CTBP2: variants seen among roughly 807,000 people sequenced by gnomAD.
The protein encoded by CTBP2 is C-terminal-binding protein 2.
A neutral mutation model predicts 80.3 loss-of-function variants in CTBP2; 30 were observed. The ratio of observed to expected loss-of-function variants is 0.37; its 90% CI spans 0.28 to 0.51. The LOEUF is 0.51. Among genes scored for constraint, CTBP2 ranks in the 20% least tolerant of loss-of-function variants. CTBP2 has a pLI of 0.93. For missense variants in CTBP2, 1,212 were observed against 1,375.3 expected (o/e 0.88, Z 1.88); for synonymous variants, 594 against 587.4 (o/e 1.01, Z -0.16).
chr10:125,094,166 T>C (rs1335292161), intron 2 of CTBP2, among the ~76,000 whole-genome samples: 1 of 152,224 alleles, frequency 6.6e-6, no homozygotes, highest in Non-Finnish European at 1.5e-5. Flanking sequence ...AAGTTACGCC[T>C]GGTGCTGATA....
intron 1 of CTBP2, among the ~76,000 whole-genome samples, chr10:125,151,155 G>A (rs1036095613): frequency 1.3e-5 from 2 of 152,156 alleles, no homozygotes; most frequent in Non-Finnish European, 1.5e-5. Flanking sequence ...GGCTGCATAA[G>A]TTTCTGGAGC....
In CTBP2 at chr10:125,027,992, G is replaced by A. The variant is rs1957828483; in HGVS notation, c.-233C>T. Reference sequence around the variant, plus strand: ...GCCTCACTCCCCAACGATAGCCAGAGAGGTCTGTTCCTTACAGCTCAGTCC... The same window carrying A: ...GCCTCACTCCCCAACGATAGCCAGAAAGGTCTGTTCCTTACAGCTCAGTCC... On this transcript the variant is annotated 5_prime_UTR_variant, in exon 1 of 9. Transcript: ENST00000309035. 1 of 1,260,838 alleles carries A rather than the reference G, an allele frequency of 7.9e-7. No individual in the cohort carries two copies. 78.1% of individuals were successfully genotyped at this position (1,260,838 alleles called of 1,614,324 possible).
At chr10:124,997,627 C>G in intron 4 of CTBP2, 1 of 346,128 alleles carries the variant, frequency 2.9e-6, no homozygotes, top group East Asian at 5.7e-5. Flanking sequence ...CTTTACGACA[C>G]ACCTCCATAC....
Position 125,026,200 on chromosome 10 carries a change from C to T in CTBP2, c.1560G>A (p.Gly520=). 6.2e-7 allele frequency: 1 copy of T among 1,613,336 alleles called. No homozygotes were observed. The highest frequency in any genetic ancestry group is 8.5e-7 in the Non-Finnish European group (1 of 1,179,746). The change falls in exon 1 of 9, where the codon GGG becomes GGA. Residue 520 remains glycine, a synonymous_variant. Transcript: ENST00000309035. ...GGCTGGCCGGCGGCAGGGTGGATGGCCCCAGGGGTGCACCTGGCTTCCGCA... is the reference window on the plus strand; with the variant it reads ...GGCTGGCCGGCGGCAGGGTGGATGGTCCCAGGGGTGCACCTGGCTTCCGCA...
At chr10:125,026,036 G>C in intron 1 of CTBP2, 3 of 1,529,464 alleles carry the variant, frequency 2.0e-6, no homozygotes, top group Non-Finnish European at 2.6e-6. Flanking sequence ...GCACCCCCCT[G>C]CTCCCCCCAG....
chr10:125,044,824 G>C (rs906462812), intron 2 of CTBP2, among the ~76,000 whole-genome samples: 1 of 152,176 alleles, frequency 6.6e-6, no homozygotes, highest in Non-Finnish European at 1.5e-5. Context: ...AGGAGTCAGG[G>C]ATCAGTGGGT....
chr10:125,094,997 T>A (rs1253686193), intron 2 of CTBP2, among the ~76,000 whole-genome samples: 1 of 151,768 alleles, frequency 6.6e-6, no homozygotes, highest in Non-Finnish European at 1.5e-5. Flanking sequence ...AGGAAGCAAG[T>A]GTGGCAGGGC....
At chr10:125,098,750 C>CAGAGAG (rs1265217140) in intron 2 of CTBP2, among the ~76,000 whole-genome samples, 1,151 of 75,426 alleles carry the variant, frequency 0.015, 111 homozygotes, top group Admixed American at 0.028. Context: ...GAGAGAGAGA[C>CAGAGAG]AGAGAGAGAG....
At chr10:125,116,603 C>CA (rs1215518520) in intron 1 of CTBP2, among the ~76,000 whole-genome samples, 1 of 152,186 alleles carries the variant, frequency 6.6e-6, no homozygotes, top group Non-Finnish European at 1.5e-5. Flanking sequence ...AGACACAGCT[C>CA]AGATACCCCA....
chr10:125,101,469 G>A (rs995593491), intron 2 of CTBP2, among the ~76,000 whole-genome samples: 2 of 152,230 alleles, frequency 1.3e-5, no homozygotes, highest in African/African-American at 2.4e-5. Context: ...CCTTGGCTGC[G>A]GCTGGGATCA....
At chr10:124,991,895 G>C (rs964664354) in intron 8 of CTBP2, among the ~76,000 whole-genome samples, 18 of 118,930 alleles carry the variant, frequency 1.5e-4, no homozygotes, top group African/African-American at 6.0e-4. Flanking sequence ...AGCAATAATG[G>C]GGGGGGGGGT....
intron 2 of CTBP2, among the ~76,000 whole-genome samples, chr10:125,101,544 C>T (rs941058541): frequency 6.6e-6 from 1 of 152,216 alleles, no homozygotes; most frequent in African/African-American, 2.4e-5. Flanking sequence ...AAACCCCAAA[C>T]CTTTCACTGC....
intron 2 of CTBP2, among the ~76,000 whole-genome samples, chr10:125,041,499 T>TC (rs1227689438): frequency 0.014 from 411 of 30,114 alleles, 1 homozygote; most frequent in Admixed American, 0.021. Context: ...CTTTTGTCCA[T>TC]CCCCACCCCC....
intron 1 of CTBP2, among the ~76,000 whole-genome samples, chr10:125,025,615 G>A (rs1247753794): frequency 6.6e-6 from 1 of 152,168 alleles, no homozygotes; most frequent in Non-Finnish European, 1.5e-5. Context: ...GGACCCGTGA[G>A]AGGTACGTTT....
chr10:125,063,205 C>G (rs1002555278), intron 2 of CTBP2, among the ~76,000 whole-genome samples: 1 of 152,238 alleles, frequency 6.6e-6, no homozygotes, highest in Non-Finnish European at 1.5e-5. Context: ...TTCTACGAAG[C>G]AATCTGGAAA....
intron 2 of CTBP2, among the ~76,000 whole-genome samples, chr10:125,053,819 G>A (rs967813473): frequency 1.3e-5 from 2 of 152,142 alleles, no homozygotes; most frequent in African/African-American, 4.8e-5. Context: ...ACATAGTTCC[G>A]AAGGGCAGGG....
intron 3 of CTBP2, among the ~76,000 whole-genome samples, chr10:125,033,941 C>A (rs528298837): frequency 6.6e-6 from 1 of 152,090 alleles, no homozygotes; most frequent in Non-Finnish European, 1.5e-5. Flanking sequence ...AGCTGAAAAC[C>A]GCAGCTGCAG....
intron 1 of CTBP2, among the ~76,000 whole-genome samples, chr10:125,016,131 T>C (rs3781424): frequency 0.26 from 40,002 of 152,034 alleles, 5,352 homozygotes; most frequent in African/African-American, 0.29. Context: ...CTTTGGTGGG[T>C]CCCGATCAGG....
At chr10:125,024,978 GTAATAT>G (rs759992380) in intron 1 of CTBP2, among the ~76,000 whole-genome samples, 38 of 152,184 alleles carry the variant, frequency 2.5e-4, no homozygotes, top group Non-Finnish European at 5.4e-4. Context: ...TCTCTAGGAG[GTAATAT>G]TAATAGCACA....
Sources: allele counts gnomAD v4.1 joint callset (sites outside exome capture counted in the v4.1 genomes callset), GRCh38; gene constraint gnomAD v4.1.1; transcripts MANE v1.5; gene names NCBI Gene and HGNC (gene_info 2026-07-23, HGNC 2026-07-21).